Variants in MID1 observed in about 807,000 individuals in gnomAD.
MID1 encodes the protein E3 ubiquitin-protein ligase Midline-1.
Under a neutral mutation model 40.4 loss-of-function variants are expected in MID1, and 7 were observed. That is an observed-to-expected ratio of 0.17 (90% CI 0.10 to 0.33). MID1 has a LOEUF of 0.33. Ranked by LOEUF, MID1 falls within the 10% of genes least tolerant of loss-of-function variation. The pLI is 1.00. For synonymous variants in MID1, 229 were observed against 221.2 expected, an observed-to-expected ratio of 1.04 and a Z score of -0.31; for missense variants, 367 against 558.5, an observed-to-expected ratio of 0.66 and a Z score of 3.46.
intron 1 of MID1, among the ~76,000 whole-genome samples, chrX:10,772,599 GAAATT>G (rs1001827085): frequency 1.4e-4 from 15 of 108,545 alleles, no homozygotes; most frequent in African/African-American, 5.0e-4. Context: ...AAATTAAATA[GAAATT>G]AAATTAAACT....
At chrX:10,569,675 G>T (rs1482442768) in intron 1 of MID1, among the ~76,000 whole-genome samples, 1 of 112,129 alleles carries the variant, frequency 8.9e-6, no homozygotes, top group Non-Finnish European at 1.9e-5. Context: ...ATCAAATTAT[G>T]TCTGGAGAGC....
intron 5 of MID1, among the ~76,000 whole-genome samples, chrX:10,476,278 G>GT (rs1265199868): frequency 9.0e-6 from 1 of 111,214 alleles, no homozygotes; most frequent in African/African-American, 3.3e-5. Flanking sequence ...TGATGGAAGT[G>GT]TTTTGGAACT....
At chrX:10,731,331 T>G (rs969974723) in intron 1 of MID1, among the ~76,000 whole-genome samples, 2 of 111,982 alleles carry the variant, frequency 1.8e-5, no homozygotes, top group Non-Finnish European at 3.8e-5. Flanking sequence ...AATTTTGCAC[T>G]GTGTACAAGA....
At chrX:10,576,620 T>A (rs920573475) in intron 1 of MID1, among the ~76,000 whole-genome samples, 4 of 111,383 alleles carry the variant, frequency 3.6e-5, no homozygotes, top group African/African-American at 1.3e-4. Flanking sequence ...CCCTATCCTG[T>A]TCTGTCCTAA....
upstream of MID1, among the ~76,000 whole-genome samples, chrX:10,622,052 T>G (rs1242010789): frequency 9.3e-6 from 1 of 107,240 alleles, no homozygotes; most frequent in Non-Finnish European, 1.9e-5. Context: ...TTCTTAAACT[T>G]GAGGGTGCAA....
chrX:10,567,979 G>T (rs1242665895), intron 1 of MID1, among the ~76,000 whole-genome samples: 2 of 111,647 alleles, frequency 1.8e-5, no homozygotes, highest in East Asian at 5.6e-4. Flanking sequence ...TTAAAATGTA[G>T]AAATATTCAT....
At chrX:10,484,740 G>A (rs1213155326) in intron 4 of MID1, among the ~76,000 whole-genome samples, 1 of 111,714 alleles carries the variant, frequency 9.0e-6, no homozygotes, top group African/African-American at 3.3e-5. Context: ...GTTGTAATTC[G>A]CAGAGCAGGA....
rs370465458 is a variant in MID1, at chrX:10,459,678, C to T, written c.1415G>A (p.Arg472His). The part of the protein sequence containing the change: ...MVKAINQAGS[R>H]SSEPGKLKTN... The stretch of plus-strand genomic sequence containing the variant: ...CTTCAACTTCCCAGGCTCACTGCTG[C>T]GGCTGCCCGCCTGGTTGATGGCCTT... Residue 472 changes from arginine to histidine, a missense_variant, in exon 8 of 10, where the codon CGC (arginine) becomes CAC (histidine). Around this residue, in one of 3 missense-constraint regions of MID1, gnomAD observed 275 missense variants for 383.1 expected, o/e 0.72. Coordinates refer to ENST00000317552, the MANE Select transcript of MID1 (RefSeq NM_000381.4). 10 of 1,211,497 alleles carry T rather than the reference C, an allele frequency of 8.3e-6. No individual in the cohort carries two copies. The highest frequency in any genetic ancestry group is 2.5e-4 in the Middle Eastern group (1 of 4,079).
At chrX:10,531,495 T>C (rs1428505514) in intron 2 of MID1, among the ~76,000 whole-genome samples, 1 of 112,532 alleles carries the variant, frequency 8.9e-6, no homozygotes, top group Non-Finnish European at 1.9e-5. Flanking sequence ...TTAAGTCTAG[T>C]ATTCCATGGA....
intron 1 of MID1, among the ~76,000 whole-genome samples, chrX:10,781,640 A>G (rs1001196244): frequency 8.9e-6 from 1 of 111,968 alleles, no homozygotes; most frequent in African/African-American, 3.2e-5. Flanking sequence ...GCAGCTTTCT[A>G]ATGACTTCCA....
intron 3 of MID1, among the ~76,000 whole-genome samples, chrX:10,513,629 C>T (rs1220276887): frequency 8.9e-6 from 1 of 112,026 alleles, no homozygotes; most frequent in African/African-American, 3.2e-5. Context: ...CTGCCTCAGC[C>T]TCTCGAGCAG....
intron 8 of MID1, among the ~76,000 whole-genome samples, chrX:10,456,662 C>A (rs1426993129): frequency 9.0e-6 from 1 of 111,497 alleles, no homozygotes; most frequent in Non-Finnish European, 1.9e-5. Context: ...CATGGTAAAA[C>A]CCCATCTCTA....
chrX:10,584,991 G>T (rs1028982398), intron 1 of MID1, among the ~76,000 whole-genome samples: 2 of 110,861 alleles, frequency 1.8e-5, no homozygotes, highest in Non-Finnish European at 3.8e-5. Context: ...GAGCAAGCAG[G>T]GGGTACATGA....
chrX:10,656,185 G>A (rs1291421043), intron 1 of MID1, among the ~76,000 whole-genome samples: 1 of 111,684 alleles, frequency 9.0e-6, no homozygotes, highest in Non-Finnish European at 1.9e-5. Context: ...CATTGACTTG[G>A]TGCCCTGTTC....
intron 1 of MID1, among the ~76,000 whole-genome samples, chrX:10,711,368 T>G (rs968235473): frequency 8.0e-5 from 9 of 112,106 alleles, no homozygotes; most frequent in African/African-American, 2.9e-4. Context: ...TTAATGGACC[T>G]CTTTCAGGCC....
intron 1 of MID1, among the ~76,000 whole-genome samples, chrX:10,631,615 G>A (rs1936053106): frequency 8.9e-6 from 1 of 112,195 alleles, no homozygotes; most frequent in African/African-American, 3.2e-5. Context: ...TCAGTTGTAT[G>A]TTTATATGAC....
At chrX:10,634,798 G>A (rs1283288286) in intron 1 of MID1, among the ~76,000 whole-genome samples, 1 of 112,059 alleles carries the variant, frequency 8.9e-6, no homozygotes, top group East Asian at 2.8e-4. Context: ...CACTCGCCTG[G>A]AATTCGTCTG....
intron 1 of MID1, among the ~76,000 whole-genome samples, chrX:10,715,221 C>T (rs1161670678): frequency 1.8e-5 from 2 of 111,933 alleles, no homozygotes; most frequent in Non-Finnish European, 3.8e-5. Context: ...TGCAGTGCAC[C>T]GAGCCTGAGC....
rs58380376 is a variant in MID1, at chrX:10,818,073, C to T, written c.-187+15481G>A. Among the ~76,000 whole-genome samples, 869 of 112,116 alleles carry T rather than the reference C, an allele frequency of 7.8e-3. 8 individuals are homozygous for T. The highest frequency in any genetic ancestry group is 0.026 in the African/African-American group (810 of 30,930). ...TTGTTGATTAGGGTTTTTGCTCTAT[C>T]GAAATAACATCTTCAGGACATATAT... is the stretch of plus-strand genomic sequence containing the variant. On this transcript the variant is annotated intron_variant, in intron 1 of 10. Transcript: ENST00000380785.
Sources: allele counts gnomAD v4.1 joint callset (sites outside exome capture counted in the v4.1 genomes callset), GRCh38; gene constraint gnomAD v4.1.1; regional missense constraint gnomAD v4.1.1; transcripts MANE v1.5; gene names NCBI Gene and HGNC (gene_info 2026-07-23, HGNC 2026-07-21).